Variants in HDAC5 observed in about 807,000 individuals in gnomAD.
HDAC5 encodes histone deacetylase 5, also known as antigen NY-CO-9.
A neutral mutation model predicts 133.3 loss-of-function variants in HDAC5; 25 were observed. The observed-to-expected ratio is 0.19, with a 90% CI of 0.14 to 0.26. The LOEUF is 0.26. Among genes scored for constraint, HDAC5 ranks in the 10% least tolerant of loss-of-function variants. The pLI is 1.00. For synonymous variants in HDAC5, 589 were observed against 610.8 expected, an observed-to-expected ratio of 0.96 and a Z score of 0.53; for missense variants, 1,041 against 1,460.5, an observed-to-expected ratio of 0.71 and a Z score of 4.68.
At chr17:44,113,868 C>A (rs1004693277) in intron 2 of HDAC5, among the ~76,000 whole-genome samples, 2 of 152,224 alleles carry the variant, frequency 1.3e-5, no homozygotes, top group African/African-American at 4.8e-5. Context: ...AAGCCAATGG[C>A]TGGCCCAGGA....
intron 13 of HDAC5, among the ~76,000 whole-genome samples, chr17:44,087,109 G>A (rs187633005): frequency 7.9e-5 from 12 of 151,636 alleles, no homozygotes; most frequent in Non-Finnish European, 1.6e-4. Flanking sequence ...GTACACACAC[G>A]CACAGGCACG....
intron 1 of HDAC5, among the ~76,000 whole-genome samples, chr17:44,122,158 T>C (rs372220384): frequency 6.6e-6 from 1 of 151,926 alleles, no homozygotes; most frequent in Non-Finnish European, 1.5e-5. Context: ...CCAGCCAGCC[T>C]AGCCCAGCCC....
At chr17:44,086,451 G>GTCCCC (rs1255308547) in intron 14 of HDAC5, 121 bp downstream of exon 14, 1 of 745,268 alleles carries the variant, frequency 1.3e-6, no homozygotes, top group African/African-American at 1.8e-5. Context: ...GAAGGCCTGT[G>GTCCCC]TCCCCTCCTT....
intron 23 of HDAC5, 29 bp from the exon 24 acceptor site, chr17:44,079,306 G>A (rs568949212): frequency 6.2e-6 from 10 of 1,606,308 alleles, no homozygotes; most frequent in Non-Finnish European, 6.8e-6. Flanking sequence ...GGAGGAAGAA[G>A]AAATGGCGAA....
Position 44,082,832 on chromosome 17 carries a change from C to A in HDAC5, c.2464-12G>T. 1 of 1,552,236 alleles carries A rather than the reference C, an allele frequency of 6.4e-7. No individual in the cohort carries two copies. Among genetic ancestry groups the A allele is most frequent in the African/African-American group, 1.4e-5 (1 of 73,190 alleles). ...ATGGCAAATCCATTCTGAAGAGGTG[C>A]AGGCAGAGGTGAGGGGCAAGATCCA... is the stretch of plus-strand genomic sequence containing the variant. On this transcript the variant is annotated splice_polypyrimidine_tract_variant and intron_variant, in intron 18 of 26. Transcript: ENST00000682912.
intron 13 of HDAC5, 87 bp downstream of exon 13, chr17:44,087,325 G>C: frequency 1.5e-6 from 1 of 687,536 alleles, no homozygotes; most frequent in East Asian, 2.5e-5. Context: ...ACTGCAGATG[G>C]GGGAGAGGGA....
intron 3 of HDAC5, among the ~76,000 whole-genome samples, chr17:44,109,797 C>A (rs372417708): frequency 7.9e-5 from 12 of 152,374 alleles, no homozygotes; most frequent in Admixed American, 5.9e-4. Flanking sequence ...CGCACACACA[C>A]AGACACCCAC....
At chr17:44,089,237 G>A (rs568574338) in intron 11 of HDAC5, among the ~76,000 whole-genome samples, 1 of 152,344 alleles carries the variant, frequency 6.6e-6, no homozygotes, top group African/African-American at 2.4e-5. Flanking sequence ...ATATTGGCCA[G>A]GCACAGTGGC....
At position 44,123,505 on chromosome 17, in the gene HDAC5, C is replaced by A; in HGVS notation, c.-191G>T. The stretch of plus-strand genomic sequence containing the variant: ...TCTGGGCCGGGGCGGCGCGCTCACC[C>A]GCTGCGGCTCGAGCTCCGGCTTCGC... On this transcript the variant is annotated splice_region_variant and 5_prime_UTR_variant, in exon 1 of 27. Transcript: ENST00000682912. The A allele has an allele frequency of 2.6e-6, 1 of 384,506 alleles. No homozygotes were observed. Among genetic ancestry groups the A allele is most frequent in the Non-Finnish European group, 4.6e-6 (1 of 217,746 alleles). 23.8% of individuals were successfully genotyped at this position (384,506 alleles called of 1,614,324 possible). A position where few individuals can be genotyped will look rare whatever the true frequency, so the allele number is the denominator to read the frequency against.
In HDAC5 at chr17:44,117,510, G is replaced by A. The variant is rs2052722244; in HGVS notation, c.6C>T (p.Asn2=). Residue 2 remains asparagine, a synonymous_variant, in exon 2 of 27, where the codon AAC becomes AAT. Transcript: ENST00000682912. This position sits in a 1 kb window ranked among gnomAD's most constrained non-coding sequence, Gnocchi z 4.2. ...AGCTCTTACCCGACTCGTTGGGAGA[G>A]TTCATGCCGGCTCTGGGCCTGCAGG... M[N]SPNESDGMSG... is the part of the protein sequence containing the mutation. 1.2e-6 allele frequency: 2 copies of A among 1,614,044 alleles called. No individual in the cohort carries two copies. Among genetic ancestry groups the A allele is most frequent in the Non-Finnish European group, 8.5e-7 (1 of 1,180,018 alleles).
chr17:44,087,270 TCCC>T (rs951234798), intron 13 of HDAC5, 139 bp downstream of exon 13: 2 of 597,032 alleles, frequency 3.3e-6, no homozygotes, highest in African/African-American at 1.8e-5. Context: ...TCCTTCCCAC[TCCC>T]CTTTTGCTCT....
At chr17:44,088,357 G>GC in intron 12 of HDAC5, 30 bp downstream of exon 12, 1 of 1,543,124 alleles carries the variant, frequency 6.5e-7, no homozygotes, top group Admixed American at 2.0e-5. Flanking sequence ...CCCCACCACA[G>GC]CCCCAGGCCA....
chr17:44,123,292 G>A (rs1244606681), intron 1 of HDAC5: 1 of 318,924 alleles, frequency 3.1e-6, no homozygotes, highest in Non-Finnish European at 5.7e-6. Flanking sequence ...GGGCAGGGAG[G>A]GGCGCGCGCA....
In HDAC5 at chr17:44,117,850, C is replaced by A. The variant is rs574866359; in HGVS notation, c.-189-146G>T. ...ACAGCCACAGGAGAAATCTGCAGAA[C>A]TGGATAGACCCTGGTTTCTTATCTT... On this transcript the variant is annotated intron_variant, in intron 1 of 26. Coordinates refer to ENST00000682912, the MANE Select transcript of HDAC5 (RefSeq NM_005474.5). The surrounding 1 kb of genome is among the most constrained non-coding windows in gnomAD (Gnocchi z 4.2). 2.5e-5 allele frequency: 14 copies of A among 554,454 alleles called. No individual in the cohort carries two copies. The African/African-American group carries it at 2.6e-4, about 10-fold the overall frequency. 34.3% of individuals were successfully genotyped at this position (554,454 alleles called of 1,614,324 possible). A position where few individuals can be genotyped will look rare whatever the true frequency, so the allele number is the denominator to read the frequency against.
At chr17:44,120,731 A>T (rs2052938831) in intron 1 of HDAC5, 1 of 150,854 alleles carries the variant, frequency 6.6e-6, no homozygotes, top group Non-Finnish European at 1.5e-5. Flanking sequence ...ATAAGAGTGA[A>T]TCTCCATCTC....
At chr17:44,104,034 A>C (rs2051782092) in intron 3 of HDAC5, among the ~76,000 whole-genome samples, 1 of 151,856 alleles carries the variant, frequency 6.6e-6, no homozygotes, top group South Asian at 2.1e-4. Context: ...GAAGTGCATA[A>C]AATCGGCTGG....
At chr17:44,103,776 T>C (rs894465178) in intron 3 of HDAC5, among the ~76,000 whole-genome samples, 1 of 151,650 alleles carries the variant, frequency 6.6e-6, no homozygotes. Context: ...TGGCACGATC[T>C]CGGCTCACTG....
Position 44,079,225 on chromosome 17 carries a change from C to T in HDAC5, c.2997G>A (p.Val999=), listed in dbSNP as rs764314861. 1 of 1,613,344 alleles carries T rather than the reference C, an allele frequency of 6.2e-7. No individual in the cohort carries two copies. Among genetic ancestry groups the T allele is most frequent in the East Asian group, 2.2e-5 (1 of 44,884 alleles). Residue 999 remains valine, a synonymous_variant, in exon 24 of 27, where the codon GTG becomes GTA. Coordinates refer to ENST00000682912, the MANE Select transcript of HDAC5 (RefSeq NM_005474.5). ...QLMTLAGGRV[V]LALEGGHDLT... is the part of the protein sequence containing the mutation. ...AGTCATGGCCTCCCTCCAGGGCCAG[C>T]ACCACCCGGCCCCCTGCCAGGGTCA...
At chr17:44,091,526 A>T (rs370326433) in intron 10 of HDAC5, 34 bp from the exon 11 acceptor site, 14 of 1,531,140 alleles carry the variant, frequency 9.1e-6, no homozygotes, top group Non-Finnish European at 1.1e-5. Flanking sequence ...ATACAGCCTC[A>T]GTCCTGCCAA....
Sources: gnomAD v4.1 joint callset for allele counts (sites outside exome capture counted in the v4.1 genomes callset) on GRCh38, gnomAD v4.1.1 for gene constraint, Gnocchi (gnomAD v3.1) non-coding constraint, MANE v1.5 for transcripts, NCBI Gene and HGNC (gene_info 2026-07-23, HGNC 2026-07-21) for gene names.